LGALS9: variants seen among roughly 807,000 people sequenced by gnomAD.
LGALS9 encodes galectin 9, also known as galectin-9.
LGALS9 carries 26 observed loss-of-function variants against 35.9 expected under a neutral mutation model. The ratio of observed to expected loss-of-function variants is 0.72; its 90% CI spans 0.53 to 1.01. The LOEUF is 1.01. Among genes scored for constraint, LGALS9 ranks in the 50% least tolerant of loss-of-function variants. LGALS9 has a pLI of 0.00. For synonymous variants in LGALS9, 149 were observed against 172.2 expected, an observed-to-expected ratio of 0.87 and a Z score of 1.06; for missense variants, 347 against 445.8, an observed-to-expected ratio of 0.78 and a Z score of 1.99.
rs570778270 is a variant in LGALS9 at position 27,636,831 on chromosome 17, T to C, written c.40-1432T>C. On this transcript the variant is annotated intron_variant, in intron 1 of 10. Coordinates refer to ENST00000395473, the MANE Select transcript of LGALS9 (RefSeq NM_009587.3). ...TCCCCCAAGAAATTAGAAAGTTTTA[T>C]AGAAAAAAAAAATCCGGACTTCTGT... Among the ~76,000 whole-genome samples, 6 of 151,616 alleles carry C rather than the reference T, an allele frequency of 4.0e-5. No individual in the cohort carries two copies. In the East Asian group the frequency reaches 1.2e-3, roughly 29 times the overall value.
intron 10 of LGALS9, 26 bp from the exon 11 acceptor site, chr17:27,648,810 G>A: frequency 6.2e-7 from 1 of 1,613,294 alleles, no homozygotes; most frequent in Non-Finnish European, 8.5e-7. Flanking sequence ...CCCAAGTGTA[G>A]TGCAAACGGC....
intron 1 of LGALS9, among the ~76,000 whole-genome samples, chr17:27,631,683 C>A (rs750401554): frequency 7.9e-5 from 12 of 152,128 alleles, no homozygotes; most frequent in Non-Finnish European, 1.2e-4. Context: ...GTGAAGGTGG[C>A]CTCCCTGGGT....
At chr17:27,632,394 G>T (rs569963574) in intron 1 of LGALS9, among the ~76,000 whole-genome samples, 1 of 152,196 alleles carries the variant, frequency 6.6e-6, no homozygotes, top group Non-Finnish European at 1.5e-5. Context: ...GGCTGCCTAC[G>T]TTCTGGTCTG....
chr17:27,641,303 C>T (rs1726673345), intron 3 of LGALS9, among the ~76,000 whole-genome samples: 3 of 152,288 alleles, frequency 2.0e-5, no homozygotes, highest in Admixed American at 6.5e-5. Context: ...GTCACCTCTC[C>T]TCTGCTCCCC....
At chr17:27,637,898 G>A (rs1414437570) in intron 1 of LGALS9, among the ~76,000 whole-genome samples, 1 of 152,116 alleles carries the variant, frequency 6.6e-6, no homozygotes, top group Non-Finnish European at 1.5e-5. Flanking sequence ...TAATTCCTTA[G>A]CAGCCCAGGG....
intron 1 of LGALS9, among the ~76,000 whole-genome samples, chr17:27,631,899 C>T (rs1439483136): frequency 4.0e-5 from 6 of 151,852 alleles, no homozygotes; most frequent in Non-Finnish European, 1.5e-5. Flanking sequence ...GAAGACCTCC[C>T]GAGGAGGTGT....
chr17:27,639,774 G>A (rs181870744), intron 2 of LGALS9, among the ~76,000 whole-genome samples: 43 of 152,100 alleles, frequency 2.8e-4, no homozygotes, highest in Admixed American at 1.2e-3. Context: ...GTCTCGCTCT[G>A]CCACCAGGCT....
chr17:27,641,034 T>G (rs1320307800), intron 3 of LGALS9: 4 of 682,378 alleles, frequency 5.9e-6, no homozygotes, highest in African/African-American at 1.8e-5. Context: ...TTTGGTGTTG[T>G]GTGTCTTTGA....
At chr17:27,644,958 C>T (rs1454798424) in intron 5 of LGALS9, 2 of 267,400 alleles carry the variant, frequency 7.5e-6, no homozygotes, top group Non-Finnish European at 1.4e-5. Flanking sequence ...AATCGACCCA[C>T]AATAGGCCTT....
At chr17:27,640,541 A>C (rs769609232) in intron 2 of LGALS9, 31 bp from the exon 3 acceptor site, 2 of 1,613,758 alleles carry the variant, frequency 1.2e-6, no homozygotes, top group South Asian at 2.2e-5. Flanking sequence ...AATCCATGCC[A>C]CAGAAGACTA....
intron 1 of LGALS9, among the ~76,000 whole-genome samples, chr17:27,632,627 A>G (rs2074404102): frequency 6.6e-6 from 1 of 152,128 alleles, no homozygotes. Context: ...TTTTCTGTCA[A>G]AGAGGGGATC....
At chr17:27,646,500 C>G in intron 7 of LGALS9, 47 bp from the exon 8 acceptor site, 5 of 1,611,838 alleles carry the variant, frequency 3.1e-6, no homozygotes, top group Non-Finnish European at 3.4e-6. Flanking sequence ...TGAGTGCTCG[C>G]GCACCCATGT....
At chr17:27,641,183 A>G (rs537476806) in intron 3 of LGALS9, among the ~76,000 whole-genome samples, 1 of 152,186 alleles carries the variant, frequency 6.6e-6, no homozygotes, top group African/African-American at 2.4e-5. Flanking sequence ...ATTGCAAATT[A>G]CCCTTGCAAG....
intron 1 of LGALS9, among the ~76,000 whole-genome samples, chr17:27,633,694 G>A (rs980369193): frequency 3.9e-5 from 6 of 152,278 alleles, no homozygotes; most frequent in South Asian, 2.1e-4. Context: ...CAGAGGGATC[G>A]ATTTGTTCAA....
At chr17:27,637,145 A>G (rs1170514013) in intron 1 of LGALS9, among the ~76,000 whole-genome samples, 3 of 152,150 alleles carry the variant, frequency 2.0e-5, no homozygotes, top group Non-Finnish European at 4.4e-5. Context: ...TGCGGGTTAT[A>G]GAACGACATT....
At chr17:27,643,961 A>C (rs12949932) in intron 5 of LGALS9, 60,858 of 262,908 alleles carry the variant, frequency 0.23, 7,467 homozygotes, top group Admixed American at 0.3. Flanking sequence ...TCTTATAAGC[A>C]AATGTGATCA....
At chr17:27,633,398 C>T (rs371546453) in intron 1 of LGALS9, among the ~76,000 whole-genome samples, 1 of 152,234 alleles carries the variant, frequency 6.6e-6, no homozygotes, top group South Asian at 2.1e-4. Flanking sequence ...ATCAAAGTGT[C>T]ATGGAAGGTG....
At chr17:27,646,939 GCTT>G (rs1414399909) in intron 8 of LGALS9, 88 bp from the exon 9 acceptor site, 3 of 1,567,452 alleles carry the variant, frequency 1.9e-6, no homozygotes, top group African/African-American at 1.4e-5. Context: ...GATATCATGG[GCTT>G]CTTCTCAGCT....
chr17:27,646,075 C>T (rs1472342131), intron 7 of LGALS9, among the ~76,000 whole-genome samples, 164 bp downstream of exon 7: 1 of 152,114 alleles, frequency 6.6e-6, no homozygotes, highest in Non-Finnish European at 1.5e-5. Flanking sequence ...TAAAGCTGTC[C>T]TTGGGACAGC....
Sources: gnomAD v4.1 joint callset for allele counts (sites outside exome capture counted in the v4.1 genomes callset) on GRCh38, gnomAD v4.1.1 for gene constraint, MANE v1.5 for transcripts, NCBI Gene and HGNC (gene_info 2026-07-23, HGNC 2026-07-21) for gene names.